Variants in REEP1 observed in about 807,000 individuals in gnomAD.
The protein encoded by REEP1 is receptor expression-enhancing protein 1.
A neutral mutation model predicts 40.3 loss-of-function variants in REEP1; 22 were observed. That is an observed-to-expected ratio of 0.55 (90% CI 0.39 to 0.78). REEP1 has a LOEUF of 0.78. Ranked by LOEUF, REEP1 falls within the 30% of genes least tolerant of loss-of-function variation. The probability of loss-of-function intolerance (pLI) is 0.00; values close to 1 mark genes in which losing one functional copy is unlikely to be tolerated. For missense variants in REEP1, 280 were observed against 361.1 expected (o/e 0.78, Z 1.82); for synonymous variants, 116 against 139.2 (o/e 0.83, Z 1.17).
At chr2:86,217,448 G>A (rs116222182) in intron 8 of REEP1, among the ~76,000 whole-genome samples, 4 of 152,106 alleles carry the variant, frequency 2.6e-5, no homozygotes, top group African/African-American at 9.7e-5. Flanking sequence ...AGACACCTCC[G>A]CATGCTTCCT....
intron 1 of REEP1, among the ~76,000 whole-genome samples, chr2:86,325,174 G>T (rs1447166920): frequency 6.6e-6 from 1 of 152,308 alleles, no homozygotes; most frequent in Admixed American, 6.5e-5. Flanking sequence ...CTGGAAGACA[G>T]GAATTCAAGG....
intron 2 of REEP1, among the ~76,000 whole-genome samples, chr2:86,268,748 A>G (rs916644885): frequency 4.6e-5 from 7 of 152,250 alleles, no homozygotes; most frequent in Admixed American, 1.3e-4. Flanking sequence ...AAAATAATCA[A>G]GACCATGTGC....
intron 5 of REEP1, among the ~76,000 whole-genome samples, chr2:86,235,046 G>GAC (rs1206488544): frequency 1.3e-5 from 2 of 152,192 alleles, no homozygotes; most frequent in Non-Finnish European, 2.9e-5. Flanking sequence ...ACTGTTCACT[G>GAC]ACTCACTCTT....
chr2:86,234,701 T>C (rs1165700449), intron 5 of REEP1, among the ~76,000 whole-genome samples: 2 of 152,150 alleles, frequency 1.3e-5, no homozygotes, highest in Non-Finnish European at 2.9e-5. Flanking sequence ...TTGGAGGATA[T>C]TATATGAAAA....
intron 1 of REEP1, among the ~76,000 whole-genome samples, chr2:86,284,225 T>A (rs992755427): frequency 2.6e-5 from 4 of 152,100 alleles, no homozygotes; most frequent in Non-Finnish European, 5.9e-5. Context: ...AGGCCTTTCC[T>A]GACCTGGTCA....
intron 5 of REEP1, among the ~76,000 whole-genome samples, chr2:86,238,837 C>T (rs1218188063): frequency 6.6e-6 from 1 of 152,094 alleles, no homozygotes; most frequent in Admixed American, 6.5e-5. Context: ...TATTTGTCAC[C>T]ACTGAGAGCG....
chr2:86,266,348 G>A (rs1282394322), intron 2 of REEP1, among the ~76,000 whole-genome samples: 1 of 152,224 alleles, frequency 6.6e-6, no homozygotes, highest in East Asian at 1.9e-4. Context: ...GGCCGGGCGC[G>A]GTGGCTCACG....
At chr2:86,251,775 G>C (rs938510497) in intron 5 of REEP1, 182 bp downstream of exon 5, 4 of 666,492 alleles carry the variant, frequency 6.0e-6, no homozygotes, top group African/African-American at 3.6e-5. Flanking sequence ...ATGTGTGTTG[G>C]GGGGTGAGAA....
intron 1 of REEP1, among the ~76,000 whole-genome samples, chr2:86,321,599 A>C (rs1680271476): frequency 1.3e-5 from 2 of 152,352 alleles, no homozygotes; most frequent in Admixed American, 1.3e-4. Flanking sequence ...AGAAAAAAGA[A>C]AAAACAACTT....
Position 86,220,064 on chromosome 2 carries a change from T to G in REEP1, c.689A>C (p.Gln230Pro). ...GMKAWEPHQV[Q>P]NPLAFSDDEE... ...GTCGTCAGAAAACGCCAATGGGTTT[T>G]GGACCTGGTGGGGCTCCCATGCCTT... Residue 230 changes from glutamine (Q) to proline (P), a missense_variant, in exon 8 of 9, where the codon CAA (glutamine) becomes CCA (proline). Around this residue, in one of 3 missense-constraint regions of REEP1, gnomAD observed 201 missense variants for 238.5 expected, o/e 0.84. Transcript: ENST00000538924. The G allele has an allele frequency of 8.1e-7, 1 of 1,232,254 alleles. No homozygotes were observed. The highest frequency in any genetic ancestry group is 1.0e-6 in the Non-Finnish European group (1 of 988,006). 76.3% of individuals were successfully genotyped at this position (1,232,254 alleles called of 1,614,324 possible).
intron 5 of REEP1, among the ~76,000 whole-genome samples, chr2:86,234,638 A>G (rs1675207621): frequency 6.6e-6 from 1 of 152,254 alleles, no homozygotes; most frequent in South Asian, 2.1e-4. Flanking sequence ...ACCAACAACA[A>G]TAACACAAAG....
chr2:86,230,133 C>T (rs552698612), intron 6 of REEP1, among the ~76,000 whole-genome samples: 39 of 152,346 alleles, frequency 2.6e-4, no homozygotes, highest in Middle Eastern at 3.4e-3. Context: ...CACTGCCTCC[C>T]TGGGGCATGG....
chr2:86,225,808 C>T (rs1335816442), intron 7 of REEP1, among the ~76,000 whole-genome samples: 6 of 152,240 alleles, frequency 3.9e-5, no homozygotes, highest in African/African-American at 9.6e-5. Flanking sequence ...AGGCCAGGCA[C>T]GGCCCCTCTT....
chr2:86,226,751 T>C (rs117738852), intron 7 of REEP1, among the ~76,000 whole-genome samples: 4,023 of 151,914 alleles, frequency 0.026, 97 homozygotes, highest in East Asian at 0.077. Context: ...ATTACAGGCA[T>C]GAGCCACCCC....
At chr2:86,298,543 C>G (rs893985051) in intron 1 of REEP1, among the ~76,000 whole-genome samples, 1 of 152,246 alleles carries the variant, frequency 6.6e-6, no homozygotes, top group African/African-American at 2.4e-5. Flanking sequence ...CCCTCCACAG[C>G]TCAAGCATTG....
intron 1 of REEP1, among the ~76,000 whole-genome samples, chr2:86,315,888 A>G (rs1477194893): frequency 6.6e-6 from 1 of 152,192 alleles, no homozygotes; most frequent in Non-Finnish European, 1.5e-5. Flanking sequence ...GACCAAAATC[A>G]GGAGAGCTAA....
chr2:86,276,445 T>C (rs1376333946), intron 2 of REEP1, among the ~76,000 whole-genome samples: 1 of 152,194 alleles, frequency 6.6e-6, no homozygotes, highest in African/African-American at 2.4e-5. Flanking sequence ...TCCCACACAA[T>C]ACTGCTTCTC....
chr2:86,227,393 T>C lies in REEP1; in HGVS notation c.601A>G (p.Thr201Ala). The C allele has an allele frequency of 8.1e-7, 1 of 1,232,320 alleles. No homozygotes were observed. Among genetic ancestry groups the C allele is most frequent in the East Asian group, 3.2e-5 (1 of 31,704 alleles). The allele number at this position is 1,232,320 out of a possible 1,614,324, so 76.3% of individuals were successfully genotyped here. A position where few individuals can be genotyped will look rare whatever the true frequency, so the allele number is the denominator to read the frequency against. ...ASESASSSVC[T>A]CCSTCRTWKV... ...CAGGTCCTGCAGGTGGAGCAGCAGGTACACACTGTGGGAATGGGGTAGGGG... is the reference window on the plus strand; with the variant it reads ...CAGGTCCTGCAGGTGGAGCAGCAGGCACACACTGTGGGAATGGGGTAGGGG... The change falls in exon 7 of 9, where the codon ACC becomes GCC. Residue 201 changes from threonine (T) to alanine (A), a missense_variant. Thr to Ala is a moderately conservative substitution (Grantham distance 58, BLOSUM62 0). Transcript: ENST00000538924.
chr2:86,260,211 G>T (rs1295459891), intron 3 of REEP1, among the ~76,000 whole-genome samples: 7 of 152,156 alleles, frequency 4.6e-5, no homozygotes, highest in Non-Finnish European at 1.5e-5. Context: ...ACATGATCAG[G>T]CTGTGGGATA....
Sources: gnomAD v4.1 joint callset for allele counts (sites outside exome capture counted in the v4.1 genomes callset) on GRCh38, gnomAD v4.1.1 for gene constraint, gnomAD v4.1.1 regional missense constraint, MANE v1.5 for transcripts, NCBI Gene and HGNC (gene_info 2026-07-23, HGNC 2026-07-21) for gene names.